Variants in PCDH11X observed in about 807,000 individuals in gnomAD.
PCDH11X encodes protocadherin-11 X-linked.
In PCDH11X, 18 loss-of-function variants were observed where a neutral mutation model predicts 53.3. The observed-to-expected ratio is 0.34, with a 90% CI of 0.23 to 0.50. The LOEUF (loss-of-function observed/expected upper bound fraction) is 0.50. Ranked by LOEUF, PCDH11X falls within the 20% of genes least tolerant of loss-of-function variation. The pLI, the probability that PCDH11X is intolerant of heterozygous loss-of-function variation, is 0.98. For missense variants in PCDH11X, 570 were observed against 1,032.4 expected, an observed-to-expected ratio of 0.55 and a Z score of 6.14; for synonymous variants, 279 against 393.3, an observed-to-expected ratio of 0.71 and a Z score of 3.44.
chrX:92,488,705 A>G (rs752141717), intron 10 of PCDH11X, among the ~76,000 whole-genome samples: 2 of 105,772 alleles, frequency 1.9e-5, no homozygotes, highest in African/African-American at 6.9e-5. Flanking sequence ...GCCTGCAGAA[A>G]AAGCTGAATT....
intron 6 of PCDH11X, among the ~76,000 whole-genome samples, chrX:91,978,466 C>T (rs1291903910): frequency 9.3e-6 from 1 of 107,473 alleles, no homozygotes; most frequent in Non-Finnish European, 1.9e-5. Context: ...TGTGTCCCTG[C>T]CTCACTTTGC....
intron 4 of PCDH11X, among the ~76,000 whole-genome samples, chrX:91,814,505 C>A (rs1936394494): frequency 1.9e-5 from 2 of 103,383 alleles, no homozygotes; most frequent in African/African-American, 7.0e-5. Context: ...AAATCACTAA[C>A]TACCTAAAAC....
intron 10 of PCDH11X, among the ~76,000 whole-genome samples, chrX:92,570,633 A>G (rs1490358790): frequency 9.9e-6 from 1 of 100,944 alleles, no homozygotes; most frequent in Non-Finnish European, 2.0e-5. Flanking sequence ...GGAAACCTGC[A>G]TATTTTAGCT....
intron 8 of PCDH11X, among the ~76,000 whole-genome samples, chrX:92,266,000 A>G (rs2067822379): frequency 1.8e-5 from 2 of 111,946 alleles, no homozygotes; most frequent in African/African-American, 3.2e-5. Context: ...TTACTAGTCT[A>G]TATACATTCC....
intron 9 of PCDH11X, among the ~76,000 whole-genome samples, chrX:92,416,166 G>T (rs1249305918): frequency 1.8e-5 from 2 of 110,867 alleles, no homozygotes; most frequent in Non-Finnish European, 3.8e-5. Context: ...ATGATTATCA[G>T]ATCCTGGAAA....
At chrX:92,617,917 G>A (rs2148821785) in intron 10 of PCDH11X, among the ~76,000 whole-genome samples, 1 of 110,650 alleles carries the variant, frequency 9.0e-6, no homozygotes, top group Admixed American at 9.6e-5. Flanking sequence ...TTGCTTTTAT[G>A]TCCTCTCTCA....
rs184921493 is a variant in PCDH11X at position 92,172,706 on chromosome X, A to G, written c.3034-28669A>G. Among the ~76,000 whole-genome samples, 37 of 112,039 alleles carry G rather than the reference A, an allele frequency of 3.3e-4. No homozygotes were observed. In the East Asian group the frequency reaches 5.3e-3, roughly 16 times the overall value. ...AGCATATAGTTTCCATTGGTTAAAG[A>G]AGAACATTTATATGGGGTCCTAGAT... On this transcript the variant is annotated intron_variant, in intron 6 of 10. Transcript: ENST00000682573.
intron 6 of PCDH11X, among the ~76,000 whole-genome samples, chrX:92,167,001 G>T (rs1202734921): frequency 1.8e-5 from 2 of 109,405 alleles, no homozygotes; most frequent in Non-Finnish European, 3.8e-5. Flanking sequence ...CCTTTATCAC[G>T]TTGGCAACTC....
chrX:92,579,788 A>C (rs916189117), intron 10 of PCDH11X, among the ~76,000 whole-genome samples: 3 of 111,451 alleles, frequency 2.7e-5, no homozygotes, highest in Non-Finnish European at 5.6e-5. Context: ...GTGCTTGCTA[A>C]AGAGATGTTG....
intron 8 of PCDH11X, among the ~76,000 whole-genome samples, chrX:92,364,647 A>G (rs1362635633): frequency 9.1e-6 from 1 of 110,447 alleles, no homozygotes; most frequent in Non-Finnish European, 1.9e-5. Context: ...TTAGCTTTCT[A>G]TGACTCTTTT....
At chrX:92,327,559 T>C (rs1227044241) in intron 8 of PCDH11X, among the ~76,000 whole-genome samples, 2 of 96,495 alleles carry the variant, frequency 2.1e-5, no homozygotes, top group Non-Finnish European at 4.1e-5. Flanking sequence ...ATTGTCACTC[T>C]GAAAAGAAAC....
chrX:92,201,808 T>C (rs781148613), intron 7 of PCDH11X, among the ~76,000 whole-genome samples: 11 of 112,101 alleles, frequency 9.8e-5, no homozygotes, highest in Non-Finnish European at 2.1e-4. Context: ...TTTAGCATAA[T>C]ATAGCATAAT....
At chrX:92,019,605 T>TA (rs1465207884) in intron 6 of PCDH11X, among the ~76,000 whole-genome samples, 1 of 112,095 alleles carries the variant, frequency 8.9e-6, no homozygotes, top group South Asian at 3.7e-4. Context: ...TGCTCCTGAA[T>TA]AACTTTCGGG....
intron 10 of PCDH11X, among the ~76,000 whole-genome samples, chrX:92,555,902 T>A (rs2148756258): frequency 9.0e-6 from 1 of 111,594 alleles, no homozygotes; most frequent in Non-Finnish European, 1.9e-5. Context: ...AGAGGTATAA[T>A]TGACTCACAA....
intron 4 of PCDH11X, among the ~76,000 whole-genome samples, chrX:91,819,830 C>A (rs1489548106): frequency 3.4e-5 from 3 of 88,843 alleles, no homozygotes; most frequent in Non-Finnish European, 6.5e-5. Context: ...CCTCCCCCAA[C>A]CCCACAACAG....
At chrX:92,249,651 T>A (rs1481646724) in intron 7 of PCDH11X, among the ~76,000 whole-genome samples, 2 of 112,139 alleles carry the variant, frequency 1.8e-5, no homozygotes, top group Non-Finnish European at 3.8e-5. Flanking sequence ...AGCTGGGAAT[T>A]TGGCAGTAGC....
intron 8 of PCDH11X, among the ~76,000 whole-genome samples, chrX:92,305,500 C>G (rs959767798): frequency 9.1e-6 from 1 of 110,189 alleles, no homozygotes; most frequent in Non-Finnish European, 1.9e-5. Flanking sequence ...ACTTCCTCTT[C>G]TTATAAAGAC....
At position 92,462,327 on chromosome X, in the gene PCDH11X, G is replaced by T. The variant is rs777056777; in HGVS notation, c.3344-5972G>T. Among the ~76,000 whole-genome samples, 65 of 110,304 alleles carry T rather than the reference G, an allele frequency of 5.9e-4. No individual in the cohort carries two copies. The South Asian group carries it at 7.3e-3, about 12-fold the overall frequency. On this transcript the variant is annotated intron_variant, in intron 9 of 10. Coordinates refer to ENST00000682573, the MANE Select transcript of PCDH11X (RefSeq NM_032968.5). The stretch of plus-strand genomic sequence containing the variant: ...CAGATTGTACATTATTACCTTGGAG[G>T]CATGTATTTTGTCTGCATTAAAATC...
At chrX:92,473,854 T>G (rs1293761197) in intron 10 of PCDH11X, among the ~76,000 whole-genome samples, 1 of 111,820 alleles carries the variant, frequency 8.9e-6, no homozygotes, top group Non-Finnish European at 1.9e-5. Context: ...AAGAATTGTT[T>G]TTTGAACTAA....
Sources: allele counts gnomAD v4.1 joint callset (sites outside exome capture counted in the v4.1 genomes callset), GRCh38; gene constraint gnomAD v4.1.1; transcripts MANE v1.5; gene names NCBI Gene and HGNC (gene_info 2026-07-23, HGNC 2026-07-21).